Variants in EVI5 observed in about 807,000 individuals in gnomAD.
EVI5 encodes the protein ecotropic viral integration site 5.
Under a neutral mutation model 112.0 loss-of-function variants are expected in EVI5, and 73 were observed. The ratio of observed to expected loss-of-function variants is 0.65; its 90% confidence interval spans 0.54 to 0.79. The LOEUF (loss-of-function observed/expected upper bound fraction) is 0.79. EVI5 is among the 30% of genes least tolerant of loss of function. The pLI is 0.00. For missense variants in EVI5, 900 were observed against 968.8 expected, an observed-to-expected ratio of 0.93 and a Z score of 0.94; for synonymous variants, 305 against 319.9, an observed-to-expected ratio of 0.95 and a Z score of 0.50.
chr1:92,537,942 ATAGT>A (rs1200207566), intron 19 of EVI5, among the ~76,000 whole-genome samples: 1 of 152,156 alleles, frequency 6.6e-6, no homozygotes, highest in Non-Finnish European at 1.5e-5. Flanking sequence ...ATATAATGCA[ATAGT>A]TAAAGCTGAC....
chr1:92,629,881 T>C (rs1324910920), intron 14 of EVI5, among the ~76,000 whole-genome samples: 1 of 144,608 alleles, frequency 6.9e-6, no homozygotes, highest in Non-Finnish European at 1.5e-5. Flanking sequence ...GTGTTCCCAT[T>C]GTTCAATTCC....
At chr1:92,629,049 C>T (rs1425772718) in intron 14 of EVI5, among the ~76,000 whole-genome samples, 1 of 152,214 alleles carries the variant, frequency 6.6e-6, no homozygotes, top group East Asian at 1.9e-4. Context: ...CCCAAATACA[C>T]TTCTATCAAA....
intron 1 of EVI5, among the ~76,000 whole-genome samples, chr1:92,762,400 C>G (rs1682015455): frequency 6.6e-6 from 1 of 152,136 alleles, no homozygotes; most frequent in Non-Finnish European, 1.5e-5. Flanking sequence ...CACCATAACC[C>G]TGAGATATAT....
intron 19 of EVI5, among the ~76,000 whole-genome samples, chr1:92,516,385 T>C (rs1659876469): frequency 6.6e-6 from 1 of 152,142 alleles, no homozygotes; most frequent in South Asian, 2.1e-4. Flanking sequence ...AAATTAACTA[T>C]AGGTTGAAGG....
At chr1:92,735,522 T>C (rs1327092781) in intron 2 of EVI5, among the ~76,000 whole-genome samples, 1 of 150,500 alleles carries the variant, frequency 6.6e-6, no homozygotes, top group Admixed American at 6.7e-5. Context: ...TTTGTTATGA[T>C]TTTAAGCCAG....
chr1:92,635,613 C>A (rs1454080653), intron 14 of EVI5, among the ~76,000 whole-genome samples: 1 of 152,176 alleles, frequency 6.6e-6, no homozygotes, highest in African/African-American at 2.4e-5. Flanking sequence ...AATTTCCTGA[C>A]CCCTTGCGCT....
intron 18 of EVI5, among the ~76,000 whole-genome samples, chr1:92,567,071 A>G (rs1284872819): frequency 6.6e-6 from 1 of 152,048 alleles, no homozygotes; most frequent in Admixed American, 6.5e-5. Context: ...TTGGCCTCCC[A>G]AAGTGCTGGG....
At chr1:92,757,755 A>C (rs2102968156) in intron 1 of EVI5, among the ~76,000 whole-genome samples, 1 of 151,998 alleles carries the variant, frequency 6.6e-6, no homozygotes, top group East Asian at 1.9e-4. Flanking sequence ...TACAAAAATT[A>C]GCCAGGCATG....
intron 16 of EVI5, among the ~76,000 whole-genome samples, chr1:92,614,779 T>C (rs937175366): frequency 6.7e-6 from 1 of 148,606 alleles, no homozygotes; most frequent in Non-Finnish European, 1.5e-5. Flanking sequence ...CATATATATA[T>C]ATATGAGTTA....
chr1:92,716,266 G>A (rs1303693571), intron 2 of EVI5, among the ~76,000 whole-genome samples: 1 of 152,184 alleles, frequency 6.6e-6, no homozygotes, highest in East Asian at 1.9e-4. Flanking sequence ...GCTTCCAGAG[G>A]AAAGATCAGG....
chr1:92,570,583 G>C (rs551893201), intron 18 of EVI5, among the ~76,000 whole-genome samples: 4 of 152,216 alleles, frequency 2.6e-5, no homozygotes, highest in African/African-American at 7.2e-5. Flanking sequence ...AGATGACAAA[G>C]GCCAAGGTAA....
chr1:92,788,608 A>G (rs575966073), upstream of EVI5, among the ~76,000 whole-genome samples: 7 of 152,270 alleles, frequency 4.6e-5, no homozygotes, highest in South Asian at 8.3e-4. Context: ...AACCTGGCCA[A>G]CATGGTGAAA....
chr1:92,638,913 C>A (rs1234877586), intron 13 of EVI5, among the ~76,000 whole-genome samples: 1 of 151,990 alleles, frequency 6.6e-6, no homozygotes, highest in African/African-American at 2.4e-5. Context: ...TAAAAAAAAT[C>A]TAAGCATATA....
At position 92,704,587 on chromosome 1, in the gene EVI5, CT is replaced by C; in HGVS notation, c.306del (p.Asp103MetfsTer25). ...ILWGRIVNEW[E>X]DVRKKKEKQV... ...TGCTTTTCCTTCTTTTTGCGTACAT[CT>C]TCCCATTCATTAACAATTCTTCCCC... On this transcript the variant is annotated frameshift_variant, in exon 3 of 20. Coordinates refer to ENST00000684568, the MANE Select transcript of EVI5 (RefSeq NM_001350197.2). LOFTEE classifies it high-confidence loss of function. 1.3e-6 allele frequency: 2 copies of C among 1,585,244 alleles called. No individual in the cohort carries two copies. The highest frequency in any genetic ancestry group is 8.6e-7 in the Non-Finnish European group (1 of 1,167,272).
In EVI5 at chr1:92,585,305, A is replaced by G. The variant is rs376509039; in HGVS notation, c.2070+20002T>C. 7.1e-4 allele frequency among the ~76,000 whole-genome samples: 108 copies of G among 152,182 alleles called. 1 individual carries two copies. The highest frequency in any genetic ancestry group is 4.1e-3 in the South Asian group (20 of 4,824). The stretch of plus-strand genomic sequence containing the variant: ...CCAGAAGCTCAAGATCAGCCTGAGC[A>G]ACATAGCAAGACCCCATCTGTACAA... On this transcript the variant is annotated intron_variant, in intron 18 of 19. Coordinates refer to ENST00000684568, the MANE Select transcript of EVI5 (RefSeq NM_001350197.2).
At chr1:92,757,787 A>C (rs1312426708) in intron 1 of EVI5, among the ~76,000 whole-genome samples, 2 of 151,726 alleles carry the variant, frequency 1.3e-5, no homozygotes, top group Non-Finnish European at 2.9e-5. Flanking sequence ...CTGTAATCCT[A>C]GCTACTCAGC....
intron 18 of EVI5, among the ~76,000 whole-genome samples, chr1:92,598,558 T>C (rs1414958149): frequency 6.6e-6 from 1 of 152,182 alleles, no homozygotes; most frequent in African/African-American, 2.4e-5. Context: ...TACATAATAA[T>C]TAAAATTCAT....
upstream of EVI5, among the ~76,000 whole-genome samples, chr1:92,788,501 C>CA (rs200308636): frequency 0.22 from 31,197 of 144,386 alleles, 3,696 homozygotes; most frequent in Non-Finnish European, 0.27. Flanking sequence ...CAAAACAAAA[C>CA]AAAAAAAAAA....
chr1:92,590,868 G>A (rs1266735338), intron 18 of EVI5, among the ~76,000 whole-genome samples: 1 of 152,220 alleles, frequency 6.6e-6, no homozygotes, highest in East Asian at 1.9e-4. Context: ...AGAGAGAAAG[G>A]TCGGGTTACC....
Sources: allele counts gnomAD v4.1 joint callset (sites outside exome capture counted in the v4.1 genomes callset), GRCh38; gene constraint gnomAD v4.1.1; transcripts MANE v1.5; gene names NCBI Gene and HGNC (gene_info 2026-07-23, HGNC 2026-07-21).